NEK10: variants seen among roughly 807,000 people sequenced by gnomAD.
NEK10 encodes the protein serine/threonine-protein kinase Nek10.
In NEK10, 122 loss-of-function variants were observed where a neutral mutation model predicts 159.8. The ratio of observed to expected loss-of-function variants is 0.76; its 90% confidence interval spans 0.66 to 0.89. The LOEUF is 0.89. Among genes scored for constraint, NEK10 ranks in the 40% least tolerant of loss-of-function variants. The pLI, the probability that NEK10 is intolerant of heterozygous loss-of-function variation, is 0.00. For synonymous variants in NEK10, 466 were observed against 457.1 expected, an observed-to-expected ratio of 1.02 and a Z score of -0.25; for missense variants, 1,342 against 1,323.1, an observed-to-expected ratio of 1.01 and a Z score of -0.22.
intron 23 of NEK10, among the ~76,000 whole-genome samples, chr3:27,243,561 C>T (rs527915350): frequency 6.6e-5 from 10 of 152,114 alleles, no homozygotes; most frequent in Non-Finnish European, 1.5e-4. Context: ...GTCAACCAGA[C>T]TCCCTTCTAT....
At chr3:27,265,940 G>A (rs558458288) in intron 22 of NEK10, among the ~76,000 whole-genome samples, 81 of 151,594 alleles carry the variant, frequency 5.3e-4, no homozygotes, top group African/African-American at 1.9e-3. Context: ...CCGAGTAGCT[G>A]GGACTACAGG....
At chr3:27,334,341 C>T (rs906200162) in intron 5 of NEK10, among the ~76,000 whole-genome samples, 2 of 152,196 alleles carry the variant, frequency 1.3e-5, no homozygotes, top group African/African-American at 4.8e-5. Context: ...CTCAAACATA[C>T]CAGCTGCTCA....
chr3:27,282,111 A>C (rs2042204051), intron 22 of NEK10, among the ~76,000 whole-genome samples: 1 of 152,184 alleles, frequency 6.6e-6, no homozygotes, highest in Admixed American at 6.5e-5. Context: ...CTGTAACTGT[A>C]CTGGCAGGAT....
At chr3:27,290,822 AG>A in intron 18 of NEK10, 68 bp from the exon 19 acceptor site, 1 of 1,216,046 alleles carries the variant, frequency 8.2e-7, no homozygotes, top group East Asian at 2.3e-5. Context: ...AGAAAGAGGA[AG>A]AAAGAGATAG....
intron 13 of NEK10, among the ~76,000 whole-genome samples, chr3:27,299,573 T>C (rs1427153678): frequency 6.6e-6 from 1 of 151,964 alleles, no homozygotes; most frequent in Admixed American, 6.6e-5. Flanking sequence ...TGTCCTCCAG[T>C]AGAATGGCAG....
At chr3:27,347,502 CAAAAAAAAAAAAAAA>C (rs35966643) in intron 3 of NEK10, among the ~76,000 whole-genome samples, 1 of 63,412 alleles carries the variant, frequency 1.6e-5, no homozygotes, top group African/African-American at 7.0e-5. Flanking sequence ...AACTCCGTCT[CAAAAAAAAAAAAAAA>C]AAAAAAAAAA....
Position 27,116,099 on chromosome 3 carries a change from T to G in NEK10, c.3219A>C (p.Glu1073Asp), listed in dbSNP as rs770690456. Residue 1073 changes from glutamate to aspartate, a missense_variant, in exon 34 of 36, where the codon GAA (glutamate) becomes GAC (aspartate). Transcript: ENST00000691995. ...TGLPTSIELE[E>D]GITYEQMQTV... ...CCTGCATCTGTTCATATGTTATTCCTTCCTCCAATTCAATGCTGGTTGGTA... is the reference window on the plus strand; with the variant it reads ...CCTGCATCTGTTCATATGTTATTCCGTCCTCCAATTCAATGCTGGTTGGTA... 6.3e-5 allele frequency: 101 copies of G among 1,613,604 alleles called. No homozygotes were observed. In the Middle Eastern group the frequency reaches 9.9e-4, roughly 16 times the overall value.
intron 22 of NEK10, among the ~76,000 whole-genome samples, chr3:27,257,916 G>C (rs1328402464): frequency 6.6e-6 from 1 of 150,912 alleles, no homozygotes. Flanking sequence ...AGCCTCCCAA[G>C]TCGCTGGGAC....
intron 6 of NEK10, among the ~76,000 whole-genome samples, chr3:27,314,724 G>A (rs776460992): frequency 5.9e-5 from 9 of 152,086 alleles, no homozygotes; most frequent in African/African-American, 9.7e-5. Flanking sequence ...CATAACTGAC[G>A]AACCTGGATG....
intron 22 of NEK10, among the ~76,000 whole-genome samples, chr3:27,260,608 T>C (rs1322564343): frequency 6.6e-6 from 1 of 152,222 alleles, no homozygotes; most frequent in Admixed American, 6.5e-5. Flanking sequence ...GATGTGCTGC[T>C]GGATTTGGTT....
At chr3:27,197,680 G>A (rs1949676410) in intron 25 of NEK10, among the ~76,000 whole-genome samples, 1 of 152,088 alleles carries the variant, frequency 6.6e-6, no homozygotes, top group South Asian at 2.1e-4. Flanking sequence ...CAATACTATT[G>A]GGTTTTCTAG....
chr3:27,174,983 G>A (rs1947365692), intron 26 of NEK10, 150 bp from the exon 27 acceptor site: 1 of 607,290 alleles, frequency 1.6e-6, no homozygotes, highest in Non-Finnish European at 2.8e-6. Flanking sequence ...CTATACACCT[G>A]TTACAGAATC....
chr3:27,305,097 T>C, intron 11 of NEK10, 126 bp from the exon 12 acceptor site: 1 of 647,372 alleles, frequency 1.5e-6, no homozygotes, highest in Admixed American at 2.7e-5. Context: ...TGGGTCAATG[T>C]GCCATTTTCT....
chr3:27,237,687 G>A (rs944869855), intron 23 of NEK10, among the ~76,000 whole-genome samples: 6 of 152,068 alleles, frequency 3.9e-5, no homozygotes, highest in Admixed American at 3.3e-4. Context: ...GTGGGAGTGG[G>A]GTGAGACTAT....
chr3:27,361,133 C>A (rs1304472366), intron 1 of NEK10, among the ~76,000 whole-genome samples: 1 of 152,146 alleles, frequency 6.6e-6, no homozygotes, highest in East Asian at 1.9e-4. Flanking sequence ...ACAACAGATA[C>A]CACTATAACC....
At chr3:27,304,994 GGT>G in intron 11 of NEK10, 23 bp from the exon 12 acceptor site, 1 of 1,447,140 alleles carries the variant, frequency 6.9e-7, no homozygotes, top group Non-Finnish European at 9.7e-7. Context: ...CAGAGGGTGG[GGT>G]GAGAATCACA....
chr3:27,119,200 A>T (rs6810346), intron 33 of NEK10, among the ~76,000 whole-genome samples: 11,994 of 152,198 alleles, frequency 0.079, 1,544 homozygotes, highest in African/African-American at 0.27. Context: ...CAGGCAAGGA[A>T]ACTGGGGTTC....
At chr3:27,335,159 T>G (rs2046704706) in intron 5 of NEK10, among the ~76,000 whole-genome samples, 1 of 151,926 alleles carries the variant, frequency 6.6e-6, no homozygotes, top group Non-Finnish European at 1.5e-5. Context: ...GCCAACATGG[T>G]GAAGCTCCCT....
At chr3:27,318,245 A>G (rs934766252) in intron 6 of NEK10, among the ~76,000 whole-genome samples, 1 of 152,224 alleles carries the variant, frequency 6.6e-6, no homozygotes, top group African/African-American at 2.4e-5. Context: ...GAAATACAAG[A>G]GATACTTCTA....
Sources: gnomAD v4.1 joint callset for allele counts (sites outside exome capture counted in the v4.1 genomes callset) on GRCh38, gnomAD v4.1.1 for gene constraint, MANE v1.5 for transcripts, NCBI Gene and HGNC (gene_info 2026-07-23, HGNC 2026-07-21) for gene names.